The following GALNTL6 variants were observed in gnomAD, a reference collection of about 807,000 sequenced individuals.
The protein encoded by GALNTL6 is polypeptide N-acetylgalactosaminyltransferase-like 6.
Under a neutral mutation model 73.7 loss-of-function variants are expected in GALNTL6, and 46 were observed. That is an observed-to-expected ratio of 0.62 (90% CI 0.49 to 0.80). GALNTL6 has a LOEUF of 0.80. Ranked by LOEUF, GALNTL6 falls within the 30% of genes least tolerant of loss-of-function variation. GALNTL6 has a pLI of 0.00. For missense variants in GALNTL6, 604 were observed against 755.0 expected (o/e 0.80, Z 2.34); for synonymous variants, 259 against 263.7 (o/e 0.98, Z 0.17).
chr4:171,897,010 C>G (rs1480289082), intron 2 of GALNTL6, among the ~76,000 whole-genome samples: 1 of 129,814 alleles, frequency 7.7e-6, no homozygotes, highest in Admixed American at 7.5e-5. Context: ...AATCCAATTA[C>G]AATAAATTAT....
intron 2 of GALNTL6, among the ~76,000 whole-genome samples, chr4:171,885,951 T>A (rs1736596575): frequency 6.6e-6 from 1 of 152,190 alleles, no homozygotes; most frequent in South Asian, 2.1e-4. Flanking sequence ...AATTCACTTC[T>A]GTGGAAATTA....
chr4:172,764,287 A>G (rs1200264249), intron 5 of GALNTL6, among the ~76,000 whole-genome samples: 1 of 152,198 alleles, frequency 6.6e-6, no homozygotes, highest in Non-Finnish European at 1.5e-5. Flanking sequence ...AATTGAGAGA[A>G]AATAATTTAT....
intron 2 of GALNTL6, among the ~76,000 whole-genome samples, chr4:171,889,313 A>G (rs1006064184): frequency 1.3e-5 from 2 of 151,420 alleles, no homozygotes; most frequent in African/African-American, 4.9e-5. Context: ...TTGCTGATAA[A>G]CAAGTCATAG....
At chr4:172,058,591 C>A (rs1731102653) in intron 2 of GALNTL6, among the ~76,000 whole-genome samples, 1 of 151,984 alleles carries the variant, frequency 6.6e-6, no homozygotes, top group African/African-American at 2.4e-5. Context: ...TTGTTCTTAC[C>A]TTTTTTATTC....
intron 5 of GALNTL6, among the ~76,000 whole-genome samples, chr4:172,531,721 C>G (rs1261049664): frequency 6.6e-6 from 1 of 152,214 alleles, no homozygotes; most frequent in African/African-American, 2.4e-5. Context: ...TGCCATGCTT[C>G]ACTCTGAGCT....
At chr4:172,131,008 C>T (rs562820267) in intron 2 of GALNTL6, among the ~76,000 whole-genome samples, 2 of 152,110 alleles carry the variant, frequency 1.3e-5, no homozygotes, top group South Asian at 4.1e-4. Context: ...CTTATTTTAT[C>T]TGGAGATCTT....
chr4:172,214,856 T>C (rs1736447157), intron 2 of GALNTL6, among the ~76,000 whole-genome samples: 1 of 152,112 alleles, frequency 6.6e-6, no homozygotes, highest in Non-Finnish European at 1.5e-5. Flanking sequence ...TTAACTGCTC[T>C]TCTCTCTCTG....
At chr4:172,692,809 C>G (rs1256882186) in intron 5 of GALNTL6, among the ~76,000 whole-genome samples, 1 of 152,074 alleles carries the variant, frequency 6.6e-6, no homozygotes, top group Non-Finnish European at 1.5e-5. Context: ...TAACACAACC[C>G]TAAAATTTTA....
chr4:171,818,229 A>G (rs1734573235), intron 2 of GALNTL6, among the ~76,000 whole-genome samples: 1 of 151,770 alleles, frequency 6.6e-6, no homozygotes, highest in South Asian at 2.1e-4. Context: ...ACATAGAATA[A>G]TACTATATTT....
At chr4:172,519,142 AAT>A (rs904147504) in intron 5 of GALNTL6, among the ~76,000 whole-genome samples, 8 of 150,528 alleles carry the variant, frequency 5.3e-5, no homozygotes, top group African/African-American at 7.3e-5. Context: ...AACTCCTGCA[AAT>A]ATATATATAT....
intron 2 of GALNTL6, among the ~76,000 whole-genome samples, chr4:171,828,642 T>C (rs115073224): frequency 0.015 from 2,348 of 152,218 alleles, 64 homozygotes; most frequent in African/African-American, 0.054. Context: ...GTTTGTTAGA[T>C]GGAGTCTCCC....
At chr4:172,583,066 G>T (rs1005996118) in intron 5 of GALNTL6, among the ~76,000 whole-genome samples, 2 of 151,704 alleles carry the variant, frequency 1.3e-5, no homozygotes, top group Non-Finnish European at 2.9e-5. Flanking sequence ...ACATATCACT[G>T]GGCCTGTAAT....
intron 11 of GALNTL6, among the ~76,000 whole-genome samples, chr4:173,015,047 CT>C (rs1202275339): frequency 2.6e-5 from 4 of 152,154 alleles, no homozygotes; most frequent in Admixed American, 6.5e-5. Context: ...CTATAAGGCG[CT>C]TTTCCCCCTT....
intron 5 of GALNTL6, among the ~76,000 whole-genome samples, chr4:172,750,314 G>A (rs1333159168): frequency 6.6e-6 from 1 of 152,124 alleles, no homozygotes; most frequent in Non-Finnish European, 1.5e-5. Context: ...ATTAAGTTTT[G>A]TGGTTCACAA....
intron 5 of GALNTL6, among the ~76,000 whole-genome samples, chr4:172,357,959 T>C (rs1024502275): frequency 4.6e-5 from 7 of 152,176 alleles, no homozygotes; most frequent in Non-Finnish European, 1.0e-4. Context: ...CTTTTTTTGA[T>C]TGGGTCCATG....
At chr4:172,312,274 G>A (rs1376658070) in intron 4 of GALNTL6, among the ~76,000 whole-genome samples, 2 of 152,122 alleles carry the variant, frequency 1.3e-5, no homozygotes, top group African/African-American at 4.8e-5. Context: ...CTTGTCTGTT[G>A]ACAGTGAGTT....
intron 11 of GALNTL6, among the ~76,000 whole-genome samples, chr4:173,010,767 GTA>G (rs1168005557): frequency 7.5e-6 from 1 of 133,992 alleles, no homozygotes; most frequent in Non-Finnish European, 1.6e-5. Context: ...GCTAATTTTT[GTA>G]TTTTTTTTTT....
At chr4:172,534,991 A>G (rs780462937) in intron 5 of GALNTL6, among the ~76,000 whole-genome samples, 3 of 152,216 alleles carry the variant, frequency 2.0e-5, no homozygotes, top group Non-Finnish European at 2.9e-5. Flanking sequence ...AAGGCCATCT[A>G]TATAGTCAGT....
In GALNTL6 at chr4:172,217,037, A is replaced by C. The variant is rs1736517450; in HGVS notation, c.139-12619A>C. ...GAAAGGAAATGTTCAGGTTAAGATAAAAGATTGCTGAGACCAGGAGGCCAA... is the reference window on the plus strand; with the variant it reads ...GAAAGGAAATGTTCAGGTTAAGATACAAGATTGCTGAGACCAGGAGGCCAA... On this transcript the variant is annotated intron_variant, in intron 2 of 12. Coordinates refer to ENST00000506823, the MANE Select transcript of GALNTL6 (RefSeq NM_001034845.3). Among the ~76,000 whole-genome samples the C allele has an allele frequency of 2.0e-5, 3 of 152,174 alleles. No individual in the cohort carries two copies. The South Asian group carries it at 6.2e-4, about 32-fold the overall frequency.
Sources: gnomAD v4.1 joint callset for allele counts (sites outside exome capture counted in the v4.1 genomes callset) on GRCh38, gnomAD v4.1.1 for gene constraint, MANE v1.5 for transcripts, NCBI Gene and HGNC (gene_info 2026-07-23, HGNC 2026-07-21) for gene names.